Variants in NT5DC1 observed in about 807,000 individuals in gnomAD.
NT5DC1 encodes the protein 5'-nucleotidase domain-containing protein 1.
Under a neutral mutation model 59.4 loss-of-function variants are expected in NT5DC1, and 42 were observed. That is an observed-to-expected ratio of 0.71 (90% confidence interval 0.55 to 0.92). The LOEUF (loss-of-function observed/expected upper bound fraction) is 0.92, where lower values mean the gene tolerates loss of function less well. NT5DC1 is among the 40% of genes least tolerant of loss of function. NT5DC1 has a pLI of 0.00. For missense variants in NT5DC1, 501 were observed against 537.1 expected, an observed-to-expected ratio of 0.93 and a Z score of 0.66; for synonymous variants, 172 against 188.1, an observed-to-expected ratio of 0.91 and a Z score of 0.70.
At chr6:116,186,008 A>C (rs979876344) in intron 6 of NT5DC1, among the ~76,000 whole-genome samples, 3 of 151,954 alleles carry the variant, frequency 2.0e-5, no homozygotes, top group Admixed American at 2.0e-4. Flanking sequence ...GGTGTATTTC[A>C]AGGATTTCTT....
chr6:116,221,093 C>G lies in NT5DC1; in HGVS notation c.569C>G (p.Pro190Arg). 6.4e-7 allele frequency: 1 copy of G among 1,557,678 alleles called. No individual in the cohort carries two copies. The highest frequency in any genetic ancestry group is 8.8e-7 in the Non-Finnish European group (1 of 1,132,466). ...TATTTTCCAGAAATAAAAAGAGATC[C>G]AGGCAGATATTTACATAGTTGTCCT... The part of the protein sequence containing the change: ...GIYFPEIKRD[P>R]GRYLHSCPES... The change falls in exon 7 of 12, where the codon CCA becomes CGA. Residue 190 changes from proline (P) to arginine (R), a missense_variant. Coordinates refer to ENST00000319550, the MANE Select transcript of NT5DC1 (RefSeq NM_152729.3).
chr6:116,199,050 C>T (rs1781291264), intron 6 of NT5DC1, among the ~76,000 whole-genome samples: 1 of 151,952 alleles, frequency 6.6e-6, no homozygotes, highest in East Asian at 1.9e-4. Flanking sequence ...GATCACTGGC[C>T]TCTATCCACT....
intron 6 of NT5DC1, among the ~76,000 whole-genome samples, chr6:116,135,872 TAC>T (rs71554839): frequency 0.23 from 27,655 of 121,048 alleles, 3,271 homozygotes; most frequent in Middle Eastern, 0.34. Context: ...TATATATATA[TAC>T]ACACATACAC....
chr6:116,191,692 A>T (rs1038119526), intron 6 of NT5DC1, among the ~76,000 whole-genome samples: 13 of 152,034 alleles, frequency 8.6e-5, no homozygotes, highest in African/African-American at 3.1e-4. Flanking sequence ...AGTCAATAAC[A>T]TTGTCTTTTT....
At chr6:116,146,806 T>A (rs1779909193) in intron 6 of NT5DC1, among the ~76,000 whole-genome samples, 1 of 151,860 alleles carries the variant, frequency 6.6e-6, no homozygotes, top group South Asian at 2.1e-4. Context: ...TTCAGATCAG[T>A]GGAAGACAGA....
At chr6:116,185,530 A>G (rs1277334107) in intron 6 of NT5DC1, among the ~76,000 whole-genome samples, 1 of 152,038 alleles carries the variant, frequency 6.6e-6, no homozygotes, top group Non-Finnish European at 1.5e-5. Context: ...TAACTGTTTT[A>G]TAAATTTGGG....
intron 8 of NT5DC1, among the ~76,000 whole-genome samples, chr6:116,225,236 G>A (rs1781884755): frequency 1.3e-5 from 2 of 152,142 alleles, no homozygotes; most frequent in African/African-American, 4.8e-5. Flanking sequence ...TTATGTAACT[G>A]TCACTATCAA....
At chr6:116,225,465 T>C (rs1314151142) in intron 8 of NT5DC1, among the ~76,000 whole-genome samples, 1 of 151,944 alleles carries the variant, frequency 6.6e-6, no homozygotes, top group African/African-American at 2.4e-5. Context: ...AGCAGATAGA[T>C]TATAGTAGGG....
At chr6:116,151,769 A>C (rs1179601558) in intron 6 of NT5DC1, among the ~76,000 whole-genome samples, 1 of 152,200 alleles carries the variant, frequency 6.6e-6, no homozygotes, top group African/African-American at 2.4e-5. Flanking sequence ...TTAGTCTACC[A>C]CAGCAAATAA....
intron 6 of NT5DC1, among the ~76,000 whole-genome samples, chr6:116,141,416 TAAGA>T (rs997334576): frequency 6.6e-6 from 1 of 152,110 alleles, no homozygotes; most frequent in African/African-American, 2.4e-5. Flanking sequence ...AACTTCTATC[TAAGA>T]AAGACTCCAT....
intron 6 of NT5DC1, among the ~76,000 whole-genome samples, chr6:116,151,092 G>T (rs756610206): frequency 6.6e-6 from 1 of 151,870 alleles, no homozygotes; most frequent in Non-Finnish European, 1.5e-5. Context: ...ATTTGCTCAG[G>T]GATTAGAATT....
At chr6:116,202,760 A>T (rs891275518) in intron 6 of NT5DC1, among the ~76,000 whole-genome samples, 3 of 152,024 alleles carry the variant, frequency 2.0e-5, no homozygotes, top group African/African-American at 7.2e-5. Flanking sequence ...AAATATTAAG[A>T]CAATGACAGC....
At chr6:116,218,229 T>TA (rs1781723843) in intron 6 of NT5DC1, among the ~76,000 whole-genome samples, 1 of 152,178 alleles carries the variant, frequency 6.6e-6, no homozygotes, top group Admixed American at 6.5e-5. Flanking sequence ...TTTAAATGCG[T>TA]ATGCCTTGTA....
At chr6:116,182,469 T>C (rs1190056309) in intron 6 of NT5DC1, among the ~76,000 whole-genome samples, 3 of 152,100 alleles carry the variant, frequency 2.0e-5, no homozygotes, top group Non-Finnish European at 4.4e-5. Flanking sequence ...CACACTGTTT[T>C]CCATAGTGGT....
At chr6:116,210,207 G>A (rs1781547165) in intron 6 of NT5DC1, among the ~76,000 whole-genome samples, 1 of 151,960 alleles carries the variant, frequency 6.6e-6, no homozygotes, top group Admixed American at 6.6e-5. Context: ...TCAGTGCCAT[G>A]CTTAAAAGAC....
chr6:116,238,930 T>C (rs1782175094), intron 10 of NT5DC1, 25 bp from the exon 11 acceptor site: 1 of 1,435,914 alleles, frequency 7.0e-7, no homozygotes, highest in East Asian at 2.3e-5. Context: ...ATCACCATTT[T>C]AATTATTCTG....
intron 8 of NT5DC1, among the ~76,000 whole-genome samples, chr6:116,235,501 G>GT (rs1782098230): frequency 6.6e-6 from 1 of 152,228 alleles, no homozygotes; most frequent in Non-Finnish European, 1.5e-5. Context: ...GCTAGCTGCT[G>GT]TGATTTGGCT....
intron 1 of NT5DC1, 86 bp downstream of exon 1, chr6:116,101,109 G>T (rs1778637673): frequency 1.0e-6 from 1 of 988,984 alleles, no homozygotes; most frequent in African/African-American, 1.7e-5. Flanking sequence ...GGCAACGGCG[G>T]ACGCTGCCCG....
intron 6 of NT5DC1, chr6:116,145,412 T>C: frequency 5.8e-6 from 2 of 345,804 alleles, no homozygotes; most frequent in South Asian, 4.7e-5. Context: ...AATGCAAAAC[T>C]TTTTCTGTTC....
Sources: allele counts gnomAD v4.1 joint callset (sites outside exome capture counted in the v4.1 genomes callset), GRCh38; gene constraint gnomAD v4.1.1; transcripts MANE v1.5; gene names NCBI Gene and HGNC (gene_info 2026-07-23, HGNC 2026-07-21).